The following NAALADL2 variants were observed in gnomAD, a reference collection of about 807,000 sequenced individuals.
NAALADL2 encodes the protein inactive N-acetylated-alpha-linked acidic dipeptidase-like protein 2.
In NAALADL2, 76 loss-of-function variants were observed where a neutral mutation model predicts 87.2. The observed-to-expected ratio is 0.87, with a 90% CI of 0.72 to 1.05. The LOEUF (loss-of-function observed/expected upper bound fraction) is 1.05. NAALADL2 is among the 50% of genes least tolerant of loss of function. NAALADL2 has a pLI of 0.00. For synonymous variants in NAALADL2, 354 were observed against 331.0 expected, an observed-to-expected ratio of 1.07 and a Z score of -0.75; for missense variants, 1,089 against 945.8, an observed-to-expected ratio of 1.15 and a Z score of -1.99.
chr3:175,016,257 A>ATT (rs1252556667), intron 1 of NAALADL2, among the ~76,000 whole-genome samples: 2 of 126,976 alleles, frequency 1.6e-5, no homozygotes, highest in African/African-American at 8.3e-5. Flanking sequence ...CAGATAAATT[A>ATT]TTTATATATA....
At chr3:174,582,455 T>C (rs1395998059) in intron 2 of NAALADL2, among the ~76,000 whole-genome samples, 2 of 152,234 alleles carry the variant, frequency 1.3e-5, no homozygotes, top group East Asian at 3.8e-4. Context: ...TTTAATAGTT[T>C]GAATATACCA....
intron 4 of NAALADL2, among the ~76,000 whole-genome samples, chr3:175,299,708 GT>G (rs1442120325): frequency 6.6e-6 from 1 of 152,044 alleles, no homozygotes; most frequent in African/African-American, 2.4e-5. Flanking sequence ...AGACCATGGG[GT>G]TTTCTAAATA....
intron 2 of NAALADL2, among the ~76,000 whole-genome samples, chr3:174,595,408 T>C (rs1030229719): frequency 6.6e-6 from 1 of 152,210 alleles, no homozygotes; most frequent in Admixed American, 6.5e-5. Context: ...GTGTCAGATA[T>C]CAGAAATGCA....
chr3:175,640,399 T>C (rs1729124874), intron 11 of NAALADL2, among the ~76,000 whole-genome samples: 1 of 152,172 alleles, frequency 6.6e-6, no homozygotes, highest in Non-Finnish European at 1.5e-5. Flanking sequence ...CAAATTCAAA[T>C]GAGGAGGAAA....
intron 1 of NAALADL2, among the ~76,000 whole-genome samples, chr3:175,087,012 C>A (rs1719092058): frequency 6.6e-6 from 1 of 151,818 alleles, no homozygotes; most frequent in Non-Finnish European, 1.5e-5. Context: ...AGATAAAATT[C>A]TATTTTTTTA....
intron 1 of NAALADL2, among the ~76,000 whole-genome samples, chr3:174,989,776 T>C (rs944715662): frequency 6.6e-6 from 1 of 152,154 alleles, no homozygotes; most frequent in Non-Finnish European, 1.5e-5. Flanking sequence ...TAATATGTAT[T>C]TTATAAGATC....
Position 175,786,064 on chromosome 3 carries a change from A to G in NAALADL2, c.2190-16941A>G, listed in dbSNP as rs374210812. On this transcript the variant is annotated intron_variant, in intron 13 of 13. Transcript: ENST00000454872. Reference sequence around the variant, plus strand: ...TCTGGCTTGTAGGGTTTCTGCCGAGAGATCCGCTGTTAGTCTGATGGGCTT... The same window carrying G: ...TCTGGCTTGTAGGGTTTCTGCCGAGGGATCCGCTGTTAGTCTGATGGGCTT... Among the ~76,000 whole-genome samples the G allele has an allele frequency of 2.6e-5, 4 of 152,234 alleles. No homozygotes were observed. The East Asian group carries it at 5.8e-4, about 22-fold the overall frequency.
intron 1 of NAALADL2, among the ~76,000 whole-genome samples, chr3:174,471,062 C>T (rs1222809938): frequency 6.6e-6 from 1 of 151,976 alleles, no homozygotes; most frequent in East Asian, 1.9e-4. Context: ...AAAATCTTTT[C>T]AGAGAAAGTT....
At chr3:175,608,430 G>A (rs1210978920) in intron 10 of NAALADL2, among the ~76,000 whole-genome samples, 1 of 150,966 alleles carries the variant, frequency 6.6e-6, no homozygotes, top group African/African-American at 2.4e-5. Context: ...AATATGTTCC[G>A]TGTCCAGCGC....
chr3:175,644,784 T>G (rs1729772135), intron 11 of NAALADL2, among the ~76,000 whole-genome samples: 1 of 152,178 alleles, frequency 6.6e-6, no homozygotes, highest in South Asian at 2.1e-4. Context: ...TGCTGAGATA[T>G]TTATTTGAAT....
At chr3:174,941,451 G>A (rs139320474) in intron 1 of NAALADL2, among the ~76,000 whole-genome samples, 2,498 of 152,176 alleles carry the variant, frequency 0.016, 26 homozygotes, top group Non-Finnish European at 0.024. Context: ...GCCGTATGGT[G>A]ATGAGAAGAG....
rs148830943 is a variant in NAALADL2 at position 174,593,372 on chromosome 3, G to T, written c.-115+42735G>T. 6.4e-3 allele frequency among the ~76,000 whole-genome samples: 974 copies of T among 152,192 alleles called. 9 individuals carry two copies. Among genetic ancestry groups the T allele is most frequent in the African/African-American group, 0.022 (913 of 41,548 alleles). ...TGTTTTATGAGTTTTAGTTAATTCA[G>T]TGTTCACTTTTGAGGAAGGCACTGC... is the stretch of plus-strand genomic sequence containing the variant. On this transcript the variant is annotated intron_variant, in intron 2 of 3. Coordinates refer to the NAALADL2 transcript ENST00000434257.
intron 3 of NAALADL2, among the ~76,000 whole-genome samples, chr3:174,809,835 G>T (rs940790293): frequency 2.6e-5 from 4 of 152,136 alleles, no homozygotes; most frequent in Admixed American, 6.6e-5. Flanking sequence ...CTCATGGGAG[G>T]TGATCAGATT....
intron 11 of NAALADL2, among the ~76,000 whole-genome samples, chr3:175,732,837 C>CA (rs1743959177): frequency 9.1e-6 from 1 of 109,670 alleles, no homozygotes; most frequent in South Asian, 2.9e-4. Flanking sequence ...AAAAAGTTAT[C>CA]AAAAATGGTT....
At chr3:175,139,069 A>C (rs982250608) in intron 2 of NAALADL2, among the ~76,000 whole-genome samples, 7 of 151,534 alleles carry the variant, frequency 4.6e-5, no homozygotes, top group Non-Finnish European at 7.4e-5. Context: ...CCAATGTTAT[A>C]TTAAACACAA....
At chr3:175,728,632 A>G (rs750533543) in intron 11 of NAALADL2, among the ~76,000 whole-genome samples, 1 of 152,174 alleles carries the variant, frequency 6.6e-6, no homozygotes, top group African/African-American at 2.4e-5. Flanking sequence ...AATCAGAGAC[A>G]TGTCACTTCA....
At chr3:175,600,365 A>G (rs910478953) in intron 10 of NAALADL2, among the ~76,000 whole-genome samples, 1 of 151,908 alleles carries the variant, frequency 6.6e-6, no homozygotes, top group African/African-American at 2.4e-5. Context: ...TTTAAGGTAT[A>G]AACTATCAGT....
chr3:174,498,757 T>G (rs1342450234), intron 1 of NAALADL2, among the ~76,000 whole-genome samples: 1 of 151,926 alleles, frequency 6.6e-6, no homozygotes, highest in Non-Finnish European at 1.5e-5. Context: ...ACACTTCCTA[T>G]GGTGTGGTTA....
chr3:175,175,338 C>T (rs1005297800), intron 2 of NAALADL2, among the ~76,000 whole-genome samples: 2 of 152,022 alleles, frequency 1.3e-5, no homozygotes, highest in African/African-American at 4.8e-5. Flanking sequence ...GCCTTAAGGT[C>T]ATTGACAATT....
Sources: allele counts gnomAD v4.1 joint callset (sites outside exome capture counted in the v4.1 genomes callset), GRCh38; gene constraint gnomAD v4.1.1; transcripts MANE v1.5; gene names NCBI Gene and HGNC (gene_info 2026-07-23, HGNC 2026-07-21).